Variants in GNG4 observed in about 807,000 individuals in gnomAD.
GNG4 encodes the protein guanine nucleotide-binding protein G(I)/G(S)/G(O) subunit gamma-4.
Under a neutral mutation model 5.8 loss-of-function variants are expected in GNG4, and 4 were observed. The ratio of observed to expected loss-of-function variants is 0.69; its 90% CI spans 0.34 to 1.57. GNG4 has a LOEUF of 1.57. Among genes scored for constraint, GNG4 ranks in the 40% most tolerant of loss-of-function variants. The probability of loss-of-function intolerance (pLI) is 0.06; values close to 1 mark genes in which losing one functional copy is unlikely to be tolerated. For synonymous variants in GNG4, 29 were observed against 32.9 expected (o/e 0.88, Z 0.41); for missense variants, 96 against 95.1 (o/e 1.01, Z -0.04).
intron 1 of GNG4, among the ~76,000 whole-genome samples, chr1:235,605,526 C>T (rs967261149): frequency 1.3e-5 from 2 of 152,084 alleles, no homozygotes; most frequent in African/African-American, 4.8e-5. Flanking sequence ...GCAGCAAACT[C>T]AACAATCAAA....
intron 1 of GNG4, among the ~76,000 whole-genome samples, chr1:235,636,524 G>T (rs1264861370): frequency 2.0e-5 from 3 of 152,142 alleles, no homozygotes; most frequent in Non-Finnish European, 4.4e-5. Flanking sequence ...CCACGGCCAC[G>T]CAGAGGCACG....
intron 3 of GNG4, among the ~76,000 whole-genome samples, chr1:235,564,846 C>T (rs983684049): frequency 6.6e-6 from 1 of 152,144 alleles, no homozygotes; most frequent in Non-Finnish European, 1.5e-5. Flanking sequence ...CCTCCACGCC[C>T]GGCTTATTTT....
rs796857644 is a variant in GNG4 at position 235,561,102 on chromosome 1, C to T, written c.100-8865G>A. Reference sequence around the variant, plus strand: ...TCGGCTCACTGCAAGCTCCACCTCACGGGTTCAAGACATTCTCCTGCCTCA... The same window carrying T: ...TCGGCTCACTGCAAGCTCCACCTCATGGGTTCAAGACATTCTCCTGCCTCA... On this transcript the variant is annotated intron_variant, in intron 3 of 3. Coordinates refer to ENST00000391854, the MANE Select transcript of GNG4 (RefSeq NM_001098722.2). Among the ~76,000 whole-genome samples, 4 of 152,302 alleles carry T rather than the reference C, an allele frequency of 2.6e-5. 1 individual carries two copies. Among genetic ancestry groups the T allele is most frequent in the African/African-American group, 7.2e-5 (3 of 41,570 alleles).
At chr1:235,597,628 G>GTGTGTGTGT (rs772061855) in intron 1 of GNG4, among the ~76,000 whole-genome samples, 3 of 72,454 alleles carry the variant, frequency 4.1e-5, no homozygotes, top group African/African-American at 1.2e-4. Context: ...GTGTGTGTGT[G>GTGTGTGTGT]TATTTTTTTT....
At chr1:235,587,239 G>GGGT (rs67571161) in intron 2 of GNG4, among the ~76,000 whole-genome samples, 20 of 19,966 alleles carry the variant, frequency 1.0e-3, no homozygotes, top group East Asian at 3.9e-3. Context: ...GAGTGTGTGA[G>GGGT]GTGGGGTGTG....
At position 235,552,254 on chromosome 1, in the gene GNG4, C is replaced by T. The variant is rs1411775852; in HGVS notation, c.100-17G>A. On this transcript the variant is annotated splice_polypyrimidine_tract_variant and intron_variant, in intron 3 of 3. Coordinates refer to ENST00000391854, the MANE Select transcript of GNG4 (RefSeq NM_001098722.2). ...CTGGGAGACCTGTGAGGGCACAGAGCACAGGTGCTCAGTTAAAGGCCCCTT... is the reference window on the plus strand; with the variant it reads ...CTGGGAGACCTGTGAGGGCACAGAGTACAGGTGCTCAGTTAAAGGCCCCTT... 1 of 1,613,166 alleles carries T rather than the reference C, an allele frequency of 6.2e-7. No homozygotes were observed. The highest frequency in any genetic ancestry group is 1.3e-5 in the African/African-American group (1 of 75,030).
chr1:235,603,675 G>C (rs1462390682), intron 1 of GNG4, among the ~76,000 whole-genome samples: 1 of 152,196 alleles, frequency 6.6e-6, no homozygotes, highest in African/African-American at 2.4e-5. Context: ...GCATCCAGCT[G>C]GTCTAATAAC....
chr1:235,605,046 A>C (rs2102964491), intron 1 of GNG4, among the ~76,000 whole-genome samples: 1 of 152,292 alleles, frequency 6.6e-6, no homozygotes, highest in African/African-American at 2.4e-5. Flanking sequence ...CGGCCAGCTA[A>C]GTCATTTGTC....
At chr1:235,554,046 G>A (rs1055018148) in intron 3 of GNG4, among the ~76,000 whole-genome samples, 1 of 152,170 alleles carries the variant, frequency 6.6e-6, no homozygotes, top group African/African-American at 2.4e-5. Context: ...TGAGGCTCAG[G>A]GGAAAACTGA....
intron 1 of GNG4, among the ~76,000 whole-genome samples, chr1:235,601,841 G>A (rs1349527093): frequency 2.0e-5 from 3 of 152,230 alleles, no homozygotes; most frequent in Non-Finnish European, 4.4e-5. Flanking sequence ...TGTGTCTACA[G>A]CTTAAGTTCA....
At chr1:235,555,705 C>T (rs1312735119) in intron 3 of GNG4, among the ~76,000 whole-genome samples, 2 of 149,574 alleles carry the variant, frequency 1.3e-5, no homozygotes, top group Non-Finnish European at 3.0e-5. Flanking sequence ...AAGTAGAATT[C>T]CTTATTTATA....
chr1:235,603,261 TTAATAATAA>T (rs150938328), intron 1 of GNG4, among the ~76,000 whole-genome samples: 34,906 of 147,552 alleles, frequency 0.24, 4,680 homozygotes, highest in African/African-American at 0.34. Flanking sequence ...ATAATAATAA[TTAATAATAA>T]TAATAATAAT....
chr1:235,626,958 C>CAAAAAAAAAAAAAAAAAA (rs776506587), intron 1 of GNG4, among the ~76,000 whole-genome samples: 1 of 77,394 alleles, frequency 1.3e-5, no homozygotes, highest in Non-Finnish European at 2.5e-5. Flanking sequence ...GACTCTATCT[C>CAAAAAAAAAAAAAAAAAA]AAAAAAAAAA....
At position 235,559,580 on chromosome 1, in the gene GNG4, C is replaced by T. The variant is rs576507997; in HGVS notation, c.100-7343G>A. On this transcript the variant is annotated intron_variant, in intron 3 of 3. Transcript: ENST00000391854. Reference sequence around the variant, plus strand: ...AGTGTGGGCAATTCTTACTTGTTGGCGGATGGCCTGTGTGGGGAGAGGCTT... The same window carrying T: ...AGTGTGGGCAATTCTTACTTGTTGGTGGATGGCCTGTGTGGGGAGAGGCTT... 1.3e-3 allele frequency among the ~76,000 whole-genome samples: 199 copies of T among 152,260 alleles called. 1 individual carries two copies. Among genetic ancestry groups the T allele is most frequent in the African/African-American group, 4.6e-3 (192 of 41,548 alleles).
chr1:235,569,712 C>T (rs747432928), intron 3 of GNG4, among the ~76,000 whole-genome samples: 12 of 151,752 alleles, frequency 7.9e-5, no homozygotes, highest in East Asian at 2.0e-4. Flanking sequence ...GGATTACAGG[C>T]GCCCACCACT....
chr1:235,593,243 C>T (rs1688023765), intron 2 of GNG4, among the ~76,000 whole-genome samples: 2 of 152,218 alleles, frequency 1.3e-5, no homozygotes, highest in African/African-American at 2.4e-5. Context: ...TGCCTGCATC[C>T]GACCATGCTC....
chr1:235,605,574 G>T (rs1688341014), intron 1 of GNG4, among the ~76,000 whole-genome samples: 1 of 152,132 alleles, frequency 6.6e-6, no homozygotes, highest in Non-Finnish European at 1.5e-5. Flanking sequence ...AGGGTAGAGG[G>T]GCCAAGAAGG....
At chr1:235,620,082 G>A (rs536758764) in intron 1 of GNG4, among the ~76,000 whole-genome samples, 1 of 152,350 alleles carries the variant, frequency 6.6e-6, no homozygotes, top group African/African-American at 2.4e-5. Flanking sequence ...TTTCGTTGGA[G>A]GTTGGGCGTG....
chr1:235,568,230 C>A (rs956780081), intron 3 of GNG4, among the ~76,000 whole-genome samples: 2 of 151,980 alleles, frequency 1.3e-5, no homozygotes, highest in Admixed American at 6.6e-5. Context: ...AGTCATCACA[C>A]CTGCAACAGG....
Sources: gnomAD v4.1 joint callset for allele counts (sites outside exome capture counted in the v4.1 genomes callset) on GRCh38, gnomAD v4.1.1 for gene constraint, MANE v1.5 for transcripts, NCBI Gene and HGNC (gene_info 2026-07-23, HGNC 2026-07-21) for gene names.